SART1: variants seen among roughly 807,000 people sequenced by gnomAD.
The protein encoded by SART1 is spliceosome associated factor 1, recruiter of U4/U6.U5 tri-snRNP.
A neutral mutation model predicts 105.0 loss-of-function variants in SART1; 28 were observed. The observed-to-expected ratio is 0.27, with a 90% CI of 0.20 to 0.37. The LOEUF is 0.37. SART1 is among the 10% of genes least tolerant of loss of function. The probability of loss-of-function intolerance (pLI) is 1.00; values close to 1 mark genes in which losing one functional copy is unlikely to be tolerated. For missense variants in SART1, 894 were observed against 1,106.5 expected, an observed-to-expected ratio of 0.81 and a Z score of 2.72; for synonymous variants, 472 against 462.9, an observed-to-expected ratio of 1.02 and a Z score of -0.25.
At position 65,978,016 on chromosome 11, in the gene SART1, C is replaced by CT; in HGVS notation, c.2172+118dup. 8.6e-7 allele frequency: 1 copy of CT among 1,157,472 alleles called. No homozygotes were observed. Among genetic ancestry groups the CT allele is most frequent in the Non-Finnish European group, 1.2e-6 (1 of 824,794 alleles). 71.7% of individuals were successfully genotyped at this position (1,157,472 alleles called of 1,614,324 possible). ...GGGTCCTGGCTCCACCAGCCTCTGG[C>CT]TGGGGGCCTGGTGAATGCCACGGAT... On this transcript the variant is annotated intron_variant, in intron 17 of 19. Transcript: ENST00000312397. This position sits in a 1 kb window ranked among gnomAD's most constrained non-coding sequence, Gnocchi z 6.8.
intron 3 of SART1, 82 bp downstream of exon 3, chr11:65,964,652 G>A (rs1034386360): frequency 1.5e-6 from 2 of 1,374,276 alleles, no homozygotes; most frequent in South Asian, 2.6e-5. Context: ...TAGAGGGCAG[G>A]TTCAGCACTG....
At position 65,976,209 on chromosome 11, in the gene SART1, G is replaced by C. The variant is rs990590834; in HGVS notation, c.1573-186G>C. Among the ~76,000 whole-genome samples the C allele has an allele frequency of 6.6e-6, 1 of 152,180 alleles. No homozygotes were observed. The highest frequency in any genetic ancestry group is 2.4e-5 in the African/African-American group (1 of 41,446). On this transcript the variant is annotated intron_variant, in intron 12 of 19. Transcript: ENST00000312397. The surrounding 1 kb of genome is among the most constrained non-coding windows in gnomAD (Gnocchi z 5.1). ...GGCATCCAAACCCATTGATGGGTTT[G>C]GAGCAGAAGAGTGACCCCAGTGAAA... is the stretch of plus-strand genomic sequence containing the variant.
rs1855525942 is a variant in SART1, at chr11:65,978,345, T to C, written c.2173-255T>C. On this transcript the variant is annotated intron_variant, in intron 17 of 19. Coordinates refer to ENST00000312397, the MANE Select transcript of SART1 (RefSeq NM_005146.5). The surrounding 1 kb of genome is among the most constrained non-coding windows in gnomAD (Gnocchi z 6.8). ...AGCCCCAGCGTCCAGGCCCAGCCCC[T>C]GCGTGGCAGGTCTCCAGGTTCCCCA... The C allele has an allele frequency of 3.7e-6, 2 of 543,948 alleles. No individual in the cohort carries two copies. Among genetic ancestry groups the C allele is most frequent in the Non-Finnish European group, 6.6e-6 (2 of 301,838 alleles). 33.7% of individuals were successfully genotyped at this position (543,948 alleles called of 1,614,324 possible).
At chr11:65,964,021 C>A in intron 1 of SART1, 53 bp from the exon 2 acceptor site, 1 of 1,552,468 alleles carries the variant, frequency 6.4e-7, no homozygotes, top group Non-Finnish European at 8.8e-7. Context: ...GCCAACGATG[C>A]TGGCTTCTTG....
rs760002035 is a variant in SART1, at chr11:65,978,573, A to C, written c.2173-27A>C. 2.6e-6 allele frequency: 4 copies of C among 1,550,948 alleles called. No individual in the cohort carries two copies. The South Asian group carries it at 4.7e-5, about 18-fold the overall frequency. On this transcript the variant is annotated intron_variant, in intron 17 of 19. Transcript: ENST00000312397. The surrounding 1 kb of genome is among the most constrained non-coding windows in gnomAD (Gnocchi z 6.8). ...GCTCCGGCCCCACCCAGGGCCCTGC[A>C]TCTCCTCTCATGCCCCGCGTCCCCA...
At chr11:65,967,945 G>T in intron 12 of SART1, 124 bp downstream of exon 12, 36 of 763,738 alleles carry the variant, frequency 4.7e-5, no homozygotes, top group Non-Finnish European at 5.7e-5. Context: ...TGTTTTCTGG[G>T]TTTGTTTTTT....
Position 65,964,530 on chromosome 11 carries a change from G to A in SART1, c.387G>A (p.Lys129=), listed in dbSNP as rs370478222. 1.9e-6 allele frequency: 3 copies of A among 1,613,216 alleles called. No individual in the cohort carries two copies. In the African/African-American group the frequency reaches 4.0e-5, roughly 22 times the overall value. The part of the protein sequence containing the change: ...SIEETNKLRA[K]LGLKPLEVNA... ...TTGTTGTCAGCAAACTCCGGGCAAA[G>A]TTGGGGCTGAAACCCTTGGAGGTTA... Residue 129 remains lysine (K), a synonymous_variant, in exon 3 of 20, where the codon AAG becomes AAA. Transcript: ENST00000312397.
chr11:65,976,828 G>T lies in SART1; in HGVS notation c.1857+62G>T. 1 of 1,402,500 alleles carries T rather than the reference G, an allele frequency of 7.1e-7. No individual in the cohort carries two copies. The highest frequency in any genetic ancestry group is 1.3e-5 in the South Asian group (1 of 79,630). 86.9% of individuals were successfully genotyped at this position (1,402,500 alleles called of 1,614,324 possible). ...GTGCTCAAGCTGGAGATGAGCACCGGGCTCGGTGTCCAGAGCCTCAGCCTC... is the reference window on the plus strand; with the variant it reads ...GTGCTCAAGCTGGAGATGAGCACCGTGCTCGGTGTCCAGAGCCTCAGCCTC... On this transcript the variant is annotated intron_variant, in intron 14 of 19. Coordinates refer to ENST00000312397, the MANE Select transcript of SART1 (RefSeq NM_005146.5). This position sits in a 1 kb window ranked among gnomAD's most constrained non-coding sequence, Gnocchi z 5.1.
intron 12 of SART1, among the ~76,000 whole-genome samples, chr11:65,973,417 C>T (rs966546163): frequency 1.3e-5 from 2 of 152,124 alleles, no homozygotes; most frequent in African/African-American, 2.4e-5. Flanking sequence ...GGAAAATACC[C>T]GGTGAATCCA....
chr11:65,975,834 G>A (rs549910292), intron 12 of SART1, among the ~76,000 whole-genome samples: 11 of 152,226 alleles, frequency 7.2e-5, no homozygotes, highest in East Asian at 3.9e-4. Context: ...GGGCATCTGC[G>A]ACAGGAGGGA....
chr11:65,966,194 C>T lies in SART1; in HGVS notation c.957C>T (p.Asp319=), dbSNP rs775586538. 2.9e-5 allele frequency: 47 copies of T among 1,613,868 alleles called. No individual in the cohort carries two copies. Among genetic ancestry groups the T allele is most frequent in the Admixed American group, 2.5e-4 (15 of 60,000 alleles). Residue 319 remains aspartate, a synonymous_variant, in exon 8 of 20, where the codon GAC becomes GAT. Transcript: ENST00000312397. Reference sequence around the variant, plus strand: ...CTGACTACCTGCCCTATGCCGAGGACGAGAGCGTGGACGACCTGGCGCAGG... The same window carrying T: ...CTGACTACCTGCCCTATGCCGAGGATGAGAGCGTGGACGACCTGGCGCAGG... ...KKPDYLPYAE[D]ESVDDLAQQK...
At chr11:65,970,497 A>G (rs528438861) in intron 12 of SART1, among the ~76,000 whole-genome samples, 4 of 152,166 alleles carry the variant, frequency 2.6e-5, no homozygotes, top group African/African-American at 7.2e-5. Context: ...GTGCAAGTGG[A>G]GGGTGGGCTT....
intron 12 of SART1, among the ~76,000 whole-genome samples, chr11:65,970,212 C>T (rs1029413452): frequency 1.3e-5 from 2 of 152,142 alleles, no homozygotes; most frequent in Admixed American, 6.5e-5. Flanking sequence ...GCATCCTTAA[C>T]GACTTCAGTA....
chr11:65,969,986 T>G (rs1855341275), intron 12 of SART1, among the ~76,000 whole-genome samples: 1 of 152,156 alleles, frequency 6.6e-6, no homozygotes, highest in South Asian at 2.1e-4. Flanking sequence ...CCTCCCAAAG[T>G]GCTGGAATTA....
At position 65,978,193 on chromosome 11, in the gene SART1, C is replaced by T. The variant is rs1855522364; in HGVS notation, c.2172+294C>T. ...CCTGCGTGAGCCCTTCACTGGCTTT[C>T]CTGGCCCGCAGGGCCATTCCAGCGT... On this transcript the variant is annotated intron_variant, in intron 17 of 19. Coordinates refer to ENST00000312397, the MANE Select transcript of SART1 (RefSeq NM_005146.5). This position sits in a 1 kb window ranked among gnomAD's most constrained non-coding sequence, Gnocchi z 6.8. The T allele has an allele frequency of 3.9e-6, 2 of 514,564 alleles. No homozygotes were observed. Among genetic ancestry groups the T allele is most frequent in the Non-Finnish European group, 7.0e-6 (2 of 285,104 alleles). The allele number at this position is 514,564 out of a possible 1,614,324, so 31.9% of individuals were successfully genotyped here.
rs1413151182 is a variant in SART1, at chr11:65,980,109, T to G, written c.*1079T>G. Among the ~76,000 whole-genome samples, 1 of 151,174 alleles carries G rather than the reference T, an allele frequency of 6.6e-6. No homozygotes were observed. Among genetic ancestry groups the G allele is most frequent in the Non-Finnish European group, 1.5e-5 (1 of 68,002 alleles). On this transcript the variant is annotated 3_prime_UTR_variant, in exon 20 of 20. Coordinates refer to ENST00000312397, the MANE Select transcript of SART1 (RefSeq NM_005146.5). ...GCCTAGGTGACAGTCAGACCCTGTC[T>G]CAAAAAAAATAAAAAAAATTTAAAA...
chr11:65,969,534 T>TG (rs1855329110), intron 12 of SART1, among the ~76,000 whole-genome samples: 1 of 151,760 alleles, frequency 6.6e-6, no homozygotes, highest in African/African-American at 2.4e-5. Context: ...ACTGCAGCCT[T>TG]GAACTCCTGG....
chr11:65,975,137 T>C (rs1855457106), intron 12 of SART1, among the ~76,000 whole-genome samples: 1 of 147,006 alleles, frequency 6.8e-6, no homozygotes, highest in Admixed American at 6.8e-5. Context: ...AGGGTATTGC[T>C]CTGTTGCCCA....
Position 65,967,674 on chromosome 11 carries a change from C to A in SART1, c.1430-5C>A. 1.3e-6 allele frequency: 2 copies of A among 1,577,010 alleles called. No homozygotes were observed. Among genetic ancestry groups the A allele is most frequent in the East Asian group, 4.6e-5 (2 of 43,570 alleles). On this transcript the variant is annotated splice_polypyrimidine_tract_variant and splice_region_variant and intron_variant, in intron 11 of 19. Coordinates refer to ENST00000312397, the MANE Select transcript of SART1 (RefSeq NM_005146.5). ...CTGAGCAGGCATCCCCTGTGTTTCC[C>A]CCAGAGGAAGGTGGAGCTCCACCGC...
Sources: gnomAD v4.1 joint callset for allele counts (sites outside exome capture counted in the v4.1 genomes callset) on GRCh38, gnomAD v4.1.1 for gene constraint, Gnocchi (gnomAD v3.1) non-coding constraint, MANE v1.5 for transcripts, NCBI Gene and HGNC (gene_info 2026-07-23, HGNC 2026-07-21) for gene names.